The following INSYN2B variants were observed in gnomAD, a reference collection of about 807,000 sequenced individuals.
INSYN2B encodes inhibitory synaptic factor family member 2B.
In INSYN2B, 16 loss-of-function variants were observed where a neutral mutation model predicts 41.2. The ratio of observed to expected loss-of-function variants is 0.39; its 90% CI spans 0.26 to 0.59. The LOEUF is 0.59. Ranked by LOEUF, INSYN2B falls within the 20% of genes least tolerant of loss-of-function variation. The pLI, the probability that INSYN2B is intolerant of heterozygous loss-of-function variation, is 0.57. For synonymous variants in INSYN2B, 245 were observed against 244.4 expected (o/e 1.00, Z -0.02); for missense variants, 608 against 646.4 (o/e 0.94, Z 0.64).
chr5:169,882,318 A>T (rs750103804), intron 2 of INSYN2B, among the ~76,000 whole-genome samples: 1 of 152,182 alleles, frequency 6.6e-6, no homozygotes, highest in Admixed American at 6.5e-5. Flanking sequence ...CCATTCTGTT[A>T]ACACCTGAAA....
chr5:169,971,239 C>G (rs1186163972), intron 1 of INSYN2B, among the ~76,000 whole-genome samples: 2 of 151,238 alleles, frequency 1.3e-5, no homozygotes, highest in African/African-American at 2.4e-5. Flanking sequence ...ACCAATGAAT[C>G]AATGAAGTAT....
chr5:169,977,738 C>A (rs769386389), intron 1 of INSYN2B, among the ~76,000 whole-genome samples: 4 of 152,162 alleles, frequency 2.6e-5, no homozygotes, highest in Non-Finnish European at 5.9e-5. Flanking sequence ...GAGCCCAGAA[C>A]GCAAGGACAG....
intron 1 of INSYN2B, among the ~76,000 whole-genome samples, chr5:169,975,435 C>T (rs780345219): frequency 1.3e-5 from 2 of 152,158 alleles, no homozygotes; most frequent in South Asian, 2.1e-4. Context: ...TCCAAGGGCC[C>T]GTGGGATCAG....
intron 1 of INSYN2B, among the ~76,000 whole-genome samples, chr5:169,910,914 TC>T (rs1245975302): frequency 2.0e-5 from 3 of 152,128 alleles, no homozygotes; most frequent in African/African-American, 7.2e-5. Context: ...CAGAACACTA[TC>T]CTCACAAGGC....
intron 1 of INSYN2B, among the ~76,000 whole-genome samples, chr5:169,948,613 ATTT>A (rs772095719): frequency 2.2e-5 from 3 of 135,928 alleles, no homozygotes; most frequent in Non-Finnish European, 3.2e-5. Context: ...TCCACAATTA[ATTT>A]TTTTTTTTTT....
chr5:169,896,544 A>G (rs1194705160), intron 1 of INSYN2B, among the ~76,000 whole-genome samples: 1 of 152,240 alleles, frequency 6.6e-6, no homozygotes, highest in African/African-American at 2.4e-5. Context: ...TGGCTGTAAG[A>G]TTTAAACGAG....
At chr5:169,976,695 C>T (rs1355094474) in intron 1 of INSYN2B, among the ~76,000 whole-genome samples, 1 of 151,522 alleles carries the variant, frequency 6.6e-6, no homozygotes, top group Non-Finnish European at 1.5e-5. Flanking sequence ...GTAATGAATT[C>T]AGGCCCCTCT....
At chr5:169,937,259 A>G (rs1776038544) in intron 1 of INSYN2B, among the ~76,000 whole-genome samples, 1 of 152,168 alleles carries the variant, frequency 6.6e-6, no homozygotes, top group Non-Finnish European at 1.5e-5. Flanking sequence ...TTCAACATTT[A>G]TTATCTGGCC....
intron 1 of INSYN2B, among the ~76,000 whole-genome samples, chr5:169,907,344 T>TGCTCCA (rs1030184783): frequency 4.6e-5 from 7 of 152,356 alleles, no homozygotes; most frequent in African/African-American, 1.7e-4. Flanking sequence ...CATGTATTTC[T>TGCTCCA]AGAAGGGAGC....
At chr5:169,946,951 G>T (rs1378353268) in intron 1 of INSYN2B, among the ~76,000 whole-genome samples, 1 of 152,166 alleles carries the variant, frequency 6.6e-6, no homozygotes, top group Admixed American at 6.5e-5. Flanking sequence ...TCAGGATGGA[G>T]TTTTGCCATA....
At position 169,944,601 on chromosome 5, in the gene INSYN2B, CCT is replaced by C. The variant is rs1776373455; in HGVS notation, c.-919+35674_-919+35675del. ...GTGACCTTGGGAGAGCATTTTAATA[CCT>C]CTGTGCCTTGGTTTCCTCATCTGAG... is the stretch of plus-strand genomic sequence containing the variant. On this transcript the variant is annotated intron_variant, in intron 1 of 3. Coordinates refer to ENST00000377365, the MANE Select transcript of INSYN2B (RefSeq NM_001129891.3). 2.0e-5 allele frequency among the ~76,000 whole-genome samples: 3 copies of C among 152,212 alleles called. No homozygotes were observed. The South Asian group carries it at 6.2e-4, about 31-fold the overall frequency.
At chr5:169,932,414 A>G (rs1282054530) in intron 1 of INSYN2B, among the ~76,000 whole-genome samples, 3 of 152,038 alleles carry the variant, frequency 2.0e-5, no homozygotes, top group African/African-American at 7.2e-5. Flanking sequence ...GTAGGGAGAG[A>G]ATGGGGAAGG....
chr5:169,874,410 C>CAAAAAAAAAAAAAAAAAA (rs34525811), intron 3 of INSYN2B, among the ~76,000 whole-genome samples: 1 of 72,034 alleles, frequency 1.4e-5, no homozygotes, highest in African/African-American at 5.8e-5. Context: ...GACTCTGTCT[C>CAAAAAAAAAAAAAAAAAA]AAAAAAAAAA....
chr5:169,930,431 TCCTCTGGGATGACATTTCTTGGA>T (rs1775696043), intron 1 of INSYN2B, among the ~76,000 whole-genome samples: 3 of 152,214 alleles, frequency 2.0e-5, no homozygotes, highest in Admixed American at 6.5e-5. Flanking sequence ...GTAATGTGTG[TCCTCTGGGATGACATTTCTTGGA>T]CAATTTCCCT....
chr5:169,924,684 A>G (rs1027156189), intron 1 of INSYN2B, among the ~76,000 whole-genome samples: 3 of 152,252 alleles, frequency 2.0e-5, no homozygotes, highest in Non-Finnish European at 4.4e-5. Flanking sequence ...CTCTGCCATT[A>G]AAGCAGATCT....
intron 1 of INSYN2B, chr5:169,934,935 A>G (rs775207010): frequency 3.0e-6 from 1 of 330,210 alleles, no homozygotes; most frequent in South Asian, 2.5e-5. Flanking sequence ...AAAGTAGTAT[A>G]GAAAGTGATT....
At chr5:169,919,500 T>C (rs528244143) in intron 1 of INSYN2B, among the ~76,000 whole-genome samples, 4 of 152,256 alleles carry the variant, frequency 2.6e-5, no homozygotes, top group Non-Finnish European at 5.9e-5. Context: ...ATTTATTCTC[T>C]GAAGTCTACC....
chr5:169,965,882 C>T lies in INSYN2B; in HGVS notation c.-919+14395G>A, dbSNP rs574262217. Among the ~76,000 whole-genome samples, 15 of 152,266 alleles carry T rather than the reference C, an allele frequency of 9.9e-5. No homozygotes were observed. The South Asian group carries it at 2.7e-3, about 27-fold the overall frequency. On this transcript the variant is annotated intron_variant, in intron 1 of 3. Transcript: ENST00000377365. ...TAGAACTCAGGCCTCTGGGCTCTCA[C>T]CTTTGACGTGGTTCCTGTGCTGGAG...
chr5:169,920,568 T>C (rs1294453225), intron 1 of INSYN2B, among the ~76,000 whole-genome samples: 2 of 152,092 alleles, frequency 1.3e-5, no homozygotes, highest in African/African-American at 4.8e-5. Context: ...ACATCACTTA[T>C]TGAATAACTG....
Sources: gnomAD v4.1 joint callset for allele counts (sites outside exome capture counted in the v4.1 genomes callset) on GRCh38, gnomAD v4.1.1 for gene constraint, MANE v1.5 for transcripts, NCBI Gene and HGNC (gene_info 2026-07-23, HGNC 2026-07-21) for gene names.